SLC5A11: variants seen among roughly 807,000 people sequenced by gnomAD.
SLC5A11 encodes sodium/myo-inositol cotransporter 2.
SLC5A11 carries 48 observed loss-of-function variants against 69.8 expected under a neutral mutation model. The observed-to-expected ratio is 0.69, with a 90% CI of 0.55 to 0.87. The LOEUF is 0.87. SLC5A11 is among the 40% of genes least tolerant of loss of function. The pLI is 0.00. For missense variants in SLC5A11, 784 were observed against 866.1 expected (o/e 0.91, Z 1.19); for synonymous variants, 319 against 342.4 (o/e 0.93, Z 0.75).
At chr16:24,876,372 C>G (rs2047675518) in intron 6 of SLC5A11, among the ~76,000 whole-genome samples, 1 of 152,090 alleles carries the variant, frequency 6.6e-6, no homozygotes, top group African/African-American at 2.4e-5. Context: ...TCTCTTCCTC[C>G]TGGAATTAGA....
exon 14 of SLC5A11, chr16:24,908,962 T>A (rs1567707363): frequency 6.2e-7 from 1 of 1,614,150 alleles, no homozygotes. Context: ...GCAGCCTCGA[T>A]GCGACCAGCC....
chr16:24,852,961 A>G (rs28756060), intron 1 of SLC5A11, among the ~76,000 whole-genome samples: 22 of 151,498 alleles, frequency 1.5e-4, no homozygotes, highest in South Asian at 6.3e-4. Flanking sequence ...AGAGCATGGC[A>G]CACAGCTGGT....
rs184307664 is a variant in SLC5A11, at chr16:24,849,248, C to T, written c.-25+2810C>T. Among the ~76,000 whole-genome samples the T allele has an allele frequency of 1.0e-3, 159 of 152,162 alleles. 1 individual carries two copies. The highest frequency in any genetic ancestry group is 1.4e-3 in the Non-Finnish European group (93 of 67,998). On this transcript the variant is annotated intron_variant, in intron 1 of 15. Transcript: ENST00000347898. ...TGGAAAGCTTGGTCTGTAACTCGCA[C>T]GTGTGAACTTTCAGACATCTATTAA... is the stretch of plus-strand genomic sequence containing the variant.
At chr16:24,896,103 C>G (rs1236890559) in intron 9 of SLC5A11, among the ~76,000 whole-genome samples, 2 of 150,084 alleles carry the variant, frequency 1.3e-5, no homozygotes, top group Non-Finnish European at 2.9e-5. Flanking sequence ...CCTATAATCA[C>G]AGCACTTTGG....
chr16:24,875,739 A>G lies in SLC5A11; in HGVS notation c.477+8A>G, dbSNP rs1321368879. Reference sequence around the variant, plus strand: ...ATCTTCACCAAGATCTCGGTAAGGCAGGGACACAGCCTGGCCTCACCCATG... The same window carrying G: ...ATCTTCACCAAGATCTCGGTAAGGCGGGGACACAGCCTGGCCTCACCCATG... On this transcript the variant is annotated splice_region_variant and intron_variant, in intron 6 of 15. Transcript: ENST00000347898. 2.5e-6 allele frequency: 4 copies of G among 1,607,750 alleles called. No individual in the cohort carries two copies. Among genetic ancestry groups the G allele is most frequent in the African/African-American group, 2.7e-5 (2 of 74,782 alleles).
At chr16:24,901,672 C>G (rs1266401763) in intron 10 of SLC5A11, among the ~76,000 whole-genome samples, 1 of 151,984 alleles carries the variant, frequency 6.6e-6, no homozygotes, top group African/African-American at 2.4e-5. Flanking sequence ...ATTTTGAGAG[C>G]CAATTATCTT....
chr16:24,878,711 G>A (rs1157726677), intron 7 of SLC5A11, among the ~76,000 whole-genome samples: 3 of 152,144 alleles, frequency 2.0e-5, no homozygotes, highest in African/African-American at 7.2e-5. Context: ...ACTTATTGAG[G>A]ATGGGAGACA....
chr16:24,910,489 C>A lies in SLC5A11; in HGVS notation c.1822+12C>A. The stretch of plus-strand genomic sequence containing the variant: ...TAAAACCCACAGCTGTGAGTAGCTT[C>A]TCTCCTCAGTTACAGCAAGAAGGAG... On this transcript the variant is annotated intron_variant, in intron 15 of 15. Transcript: ENST00000347898. 1 of 1,613,258 alleles carries A rather than the reference C, an allele frequency of 6.2e-7. No homozygotes were observed. Among genetic ancestry groups the A allele is most frequent in the Non-Finnish European group, 8.5e-7 (1 of 1,179,670 alleles).
rs377369507 is a variant in SLC5A11, at chr16:24,872,226, C to T, written c.372+7C>T. 53 of 1,614,040 alleles carry T rather than the reference C, an allele frequency of 3.3e-5. No individual in the cohort carries two copies. The highest frequency in any genetic ancestry group is 1.1e-4 in the East Asian group (5 of 44,876). On this transcript the variant is annotated splice_region_variant and intron_variant, in intron 5 of 15. Coordinates refer to ENST00000347898, the Ensembl canonical transcript of SLC5A11. ...CATCTACATTGCTGGTCAGGTGAGT[C>T]GGGGGACATTGGGATGCTGTAGAAT...
intron 1 of SLC5A11, among the ~76,000 whole-genome samples, chr16:24,849,286 A>G (rs531101102): frequency 2.6e-5 from 4 of 151,992 alleles, no homozygotes; most frequent in Non-Finnish European, 2.9e-5. Context: ...AACAATGAGA[A>G]GCCGGGCACG....
At chr16:24,911,596 G>GA (rs2050534236) in exon 16 of SLC5A11, 2 of 1,504,946 alleles carry the variant, frequency 1.3e-6, no homozygotes, top group East Asian at 2.3e-5. Flanking sequence ...TTTAATGAAA[G>GA]AAAAAATAAT....
chr16:24,884,003 C>A (rs1230405731), intron 7 of SLC5A11, 48 bp from the exon 9 acceptor site: 2 of 1,571,094 alleles, frequency 1.3e-6, no homozygotes, highest in African/African-American at 1.3e-5. Context: ...CAGAGTAACC[C>A]CTTCTCGTTA....
intron 14 of SLC5A11, among the ~76,000 whole-genome samples, chr16:24,909,468 C>T (rs955452261): frequency 1.3e-5 from 2 of 151,122 alleles, no homozygotes; most frequent in African/African-American, 2.4e-5. Context: ...AGTGAGATCC[C>T]GTCTCTTAAA....
intron 10 of SLC5A11, among the ~76,000 whole-genome samples, chr16:24,902,738 C>T (rs954555691): frequency 5.3e-5 from 8 of 152,112 alleles, no homozygotes; most frequent in Admixed American, 2.0e-4. Context: ...GGGGTTTCTC[C>T]GTGTTGGTCA....
intron 7 of SLC5A11, among the ~76,000 whole-genome samples, chr16:24,881,779 G>A (rs1197950959): frequency 6.6e-6 from 1 of 152,038 alleles, no homozygotes; most frequent in East Asian, 1.9e-4. Context: ...CCACTCCAGG[G>A]GGTGCCATTC....
chr16:24,875,602 G>A, intron 5 of SLC5A11, 25 bp from the exon 7 acceptor site: 1 of 1,604,698 alleles, frequency 6.2e-7, no homozygotes, highest in Non-Finnish European at 8.5e-7. Flanking sequence ...TCCGCTGGTG[G>A]TGAAATCTCA....
chr16:24,862,640 T>C, exon 3 of SLC5A11: 1 of 1,613,714 alleles, frequency 6.2e-7, no homozygotes, highest in Non-Finnish European at 8.5e-7. Flanking sequence ...GAAAGGCTAC[T>C]TCCTGGCTGG....
exon 6 of SLC5A11, chr16:24,875,646 A>G (rs771669460): frequency 6.2e-7 from 1 of 1,613,698 alleles, no homozygotes; most frequent in Non-Finnish European, 8.5e-7. Flanking sequence ...ATGCCAGAAT[A>G]CCTACGGAAG....
chr16:24,865,202 CA>C (rs765565876), intron 3 of SLC5A11, among the ~76,000 whole-genome samples: 2 of 152,136 alleles, frequency 1.3e-5, no homozygotes, highest in Non-Finnish European at 2.9e-5. Context: ...CTAAATACAT[CA>C]AAATCAAACT....
Sources: gnomAD v4.1 joint callset for allele counts (sites outside exome capture counted in the v4.1 genomes callset) on GRCh38, gnomAD v4.1.1 for gene constraint, MANE v1.5 for transcripts, NCBI Gene and HGNC (gene_info 2026-07-23, HGNC 2026-07-21) for gene names.